Variants in PRKD1 observed in about 807,000 individuals in gnomAD.
The protein encoded by PRKD1 is serine/threonine-protein kinase D1.
A neutral mutation model predicts 95.9 loss-of-function variants in PRKD1; 63 were observed. The ratio of observed to expected loss-of-function variants is 0.66; its 90% CI spans 0.54 to 0.81. The LOEUF (loss-of-function observed/expected upper bound fraction) is 0.81. Among genes scored for constraint, PRKD1 ranks in the 30% least tolerant of loss-of-function variants. The pLI is 0.00. For missense variants in PRKD1, 1,048 were observed against 1,165.3 expected, an observed-to-expected ratio of 0.90 and a Z score of 1.47; for synonymous variants, 425 against 423.1, an observed-to-expected ratio of 1.00 and a Z score of -0.05.
chr14:29,817,127 C>T (rs577899860), intron 1 of PRKD1, among the ~76,000 whole-genome samples: 2 of 152,240 alleles, frequency 1.3e-5, no homozygotes, highest in East Asian at 1.9e-4. Context: ...ATGTTTCTTT[C>T]AAGTTTACAT....
chr14:29,597,445 A>G, intron 16 of PRKD1, 46 bp downstream of exon 16: 1 of 1,455,150 alleles, frequency 6.9e-7, no homozygotes, highest in Non-Finnish European at 9.2e-7. Flanking sequence ...AATAACATAA[A>G]CAAATAAGGA....
At chr14:29,718,875 AC>A (rs1318566619) in intron 2 of PRKD1, among the ~76,000 whole-genome samples, 3 of 152,172 alleles carry the variant, frequency 2.0e-5, no homozygotes, top group African/African-American at 4.8e-5. Flanking sequence ...TATGCAATAT[AC>A]TTTTGAGGAA....
intron 1 of PRKD1, among the ~76,000 whole-genome samples, chr14:29,824,359 C>T (rs1390279424): frequency 2.6e-5 from 4 of 152,148 alleles, no homozygotes; most frequent in Non-Finnish European, 5.9e-5. Context: ...TATACTTTAT[C>T]ATTTTGAACC....
intron 1 of PRKD1, among the ~76,000 whole-genome samples, chr14:29,728,693 C>CT (rs1372289310): frequency 2.6e-5 from 4 of 152,050 alleles, no homozygotes; most frequent in African/African-American, 9.7e-5. Context: ...ACATTGTAGT[C>CT]TTTTTTTCCA....
chr14:29,685,393 T>G (rs1303483276), intron 2 of PRKD1, among the ~76,000 whole-genome samples: 4 of 152,202 alleles, frequency 2.6e-5, no homozygotes, highest in African/African-American at 9.7e-5. Flanking sequence ...AGCTTCATTC[T>G]GATAAAAGGG....
chr14:29,896,140 C>T (rs1205541553), intron 1 of PRKD1, among the ~76,000 whole-genome samples: 1 of 152,096 alleles, frequency 6.6e-6, no homozygotes, highest in Non-Finnish European at 1.5e-5. Flanking sequence ...AAGTATTATC[C>T]AAGTGAATCA....
chr14:29,614,396 C>T (rs1878701324), intron 13 of PRKD1, among the ~76,000 whole-genome samples: 1 of 152,032 alleles, frequency 6.6e-6, no homozygotes, highest in Admixed American at 6.5e-5. Context: ...TTGTTTACAA[C>T]TCAGCTCCTA....
chr14:29,874,059 T>C (rs533629574), intron 1 of PRKD1, among the ~76,000 whole-genome samples: 1 of 152,336 alleles, frequency 6.6e-6, no homozygotes, highest in South Asian at 2.1e-4. Flanking sequence ...GGCTACTCTA[T>C]TAATGTATAT....
intron 1 of PRKD1, among the ~76,000 whole-genome samples, chr14:29,781,063 C>G (rs1010471579): frequency 1.4e-5 from 2 of 144,518 alleles, no homozygotes; most frequent in African/African-American, 5.2e-5. Flanking sequence ...ACCTCATGTT[C>G]TCACTCATAG....
rs529317674 is a variant in PRKD1 at position 29,704,393 on chromosome 14, G to A, written c.403+21143C>T. ...GATAACAGCATTTGGTATCGAGTCC[G>A]ACTAATCTCTTTATCATTCTTGCCA... On this transcript the variant is annotated intron_variant, in intron 2 of 17. Coordinates refer to ENST00000331968, the MANE Select transcript of PRKD1 (RefSeq NM_002742.3). 6.8e-4 allele frequency among the ~76,000 whole-genome samples: 103 copies of A among 152,200 alleles called. 1 individual carries two copies. Among genetic ancestry groups the A allele is most frequent in the African/African-American group, 2.4e-3 (99 of 41,536 alleles).
intron 16 of PRKD1, among the ~76,000 whole-genome samples, chr14:29,590,835 G>C (rs1299301905): frequency 2.0e-5 from 3 of 152,120 alleles, no homozygotes; most frequent in Non-Finnish European, 4.4e-5. Flanking sequence ...CTGTCGCCCA[G>C]GCTGGAGTGC....
chr14:29,760,564 A>G (rs1734913464), intron 1 of PRKD1, among the ~76,000 whole-genome samples: 1 of 152,056 alleles, frequency 6.6e-6, no homozygotes, highest in Admixed American at 6.6e-5. Flanking sequence ...CATGTTGGCC[A>G]GCCTGGTCTC....
At chr14:29,705,612 T>C (rs1885046828) in intron 2 of PRKD1, among the ~76,000 whole-genome samples, 1 of 152,092 alleles carries the variant, frequency 6.6e-6, no homozygotes, top group South Asian at 2.1e-4. Context: ...TGAAACCCTG[T>C]CACTATTAGT....
intron 2 of PRKD1, among the ~76,000 whole-genome samples, chr14:29,672,523 T>C (rs540676648): frequency 2.0e-5 from 3 of 152,054 alleles, no homozygotes; most frequent in Admixed American, 2.0e-4. Flanking sequence ...ACAGAGTGAA[T>C]CCTTATTAAA....
intron 8 of PRKD1, 32 bp from the exon 9 acceptor site, chr14:29,632,978 A>T (rs752302317): frequency 2.1e-5 from 32 of 1,543,078 alleles, no homozygotes; most frequent in African/African-American, 2.7e-5. Context: ...AGATCTTTTT[A>T]AAAAACTTTA....
intron 1 of PRKD1, among the ~76,000 whole-genome samples, chr14:29,770,545 T>C (rs1336648291): frequency 6.6e-6 from 1 of 152,086 alleles, no homozygotes; most frequent in African/African-American, 2.4e-5. Flanking sequence ...GAGTGTGGTA[T>C]TGGAAATGGA....
chr14:29,860,525 A>G (rs987744741), intron 1 of PRKD1, among the ~76,000 whole-genome samples: 6 of 152,212 alleles, frequency 3.9e-5, no homozygotes, highest in Non-Finnish European at 5.9e-5. Flanking sequence ...CGTTAATTCA[A>G]ACTTGAGCTC....
intron 2 of PRKD1, among the ~76,000 whole-genome samples, chr14:29,695,234 C>CA (rs34575259): frequency 4.2e-3 from 400 of 95,008 alleles, no homozygotes; most frequent in Middle Eastern, 0.018. Flanking sequence ...AACTCCATCT[C>CA]AAAAAAAAAA....
chr14:29,830,325 T>C (rs1448698384), intron 1 of PRKD1, among the ~76,000 whole-genome samples: 3 of 152,328 alleles, frequency 2.0e-5, no homozygotes, highest in Non-Finnish European at 2.9e-5. Context: ...TATTGAAATA[T>C]GGCTTAATGG....
Sources: gnomAD v4.1 joint callset for allele counts (sites outside exome capture counted in the v4.1 genomes callset) on GRCh38, gnomAD v4.1.1 for gene constraint, MANE v1.5 for transcripts, NCBI Gene and HGNC (gene_info 2026-07-23, HGNC 2026-07-21) for gene names.